DST: variants seen among roughly 807,000 people sequenced by gnomAD.
DST encodes the protein bullous pemphigoid antigen.
In DST, 253 loss-of-function variants were observed where a neutral mutation model predicts 875.2. The ratio of observed to expected loss-of-function variants is 0.29; its 90% CI spans 0.26 to 0.32. DST has a LOEUF of 0.32. DST is among the 10% of genes least tolerant of loss of function. The pLI is 1.00. For missense variants in DST, 8,287 were observed against 9,111.6 expected (o/e 0.91, Z 3.68); for synonymous variants, 3,124 against 3,197.1 (o/e 0.98, Z 0.77).
chr6:56,524,687 A>T (rs2096766268), intron 69 of DST, among the ~76,000 whole-genome samples: 1 of 152,138 alleles, frequency 6.6e-6, no homozygotes, highest in South Asian at 2.1e-4. Flanking sequence ...AAATACACAC[A>T]TGAACAACCA....
rs137977705 is a variant in DST at position 56,639,056 on chromosome 6, G to T, written c.2964+203C>A. The T allele has an allele frequency of 3.4e-3, 2,082 of 610,662 alleles. 5 individuals carry two copies. The highest frequency in any genetic ancestry group is 4.7e-3 in the Non-Finnish European group (1,636 of 344,830). The allele number at this position is 610,662 out of a possible 1,614,324, so 37.8% of individuals were successfully genotyped here. On this transcript the variant is annotated intron_variant, in intron 22 of 103. Coordinates refer to ENST00000680361, the MANE Select transcript of DST (RefSeq NM_001374736.1). The stretch of plus-strand genomic sequence containing the variant: ...CTTCTCAGCCACAGAGGCTGACAAG[G>T]GTACTTTTATTCTAAGTGATGGGTG...
At chr6:56,627,875 T>C in intron 33 of DST, 124 bp downstream of exon 33, 1 of 882,044 alleles carries the variant, frequency 1.1e-6, no homozygotes, top group Admixed American at 2.3e-5. Flanking sequence ...TAATATTTTT[T>C]ATATACTCTC....
At chr6:56,829,924 G>T (rs1163524790) in intron 4 of DST, among the ~76,000 whole-genome samples, 1 of 152,086 alleles carries the variant, frequency 6.6e-6, no homozygotes, top group African/African-American at 2.4e-5. Flanking sequence ...TGAAAATCAG[G>T]TCTCCTCAGT....
At chr6:56,774,272 A>C (rs1416523102) in intron 4 of DST, among the ~76,000 whole-genome samples, 1 of 152,154 alleles carries the variant, frequency 6.6e-6, no homozygotes, top group Non-Finnish European at 1.5e-5. Context: ...CCAGCCTTAT[A>C]GTCTCTATTG....
intron 49 of DST, among the ~76,000 whole-genome samples, chr6:56,589,927 A>C (rs1166639096): frequency 6.6e-6 from 1 of 152,244 alleles, no homozygotes; most frequent in Admixed American, 6.5e-5. Context: ...AGTATGCTAC[A>C]TGTAGAAAGA....
intron 2 of DST, among the ~76,000 whole-genome samples, chr6:56,946,793 G>T (rs550913427): frequency 6.6e-6 from 1 of 151,816 alleles, no homozygotes; most frequent in Non-Finnish European, 1.5e-5. Flanking sequence ...TTCATAGGAG[G>T]GTAAACATTT....
chr6:56,900,538 C>T lies in DST; in HGVS notation c.300G>A (p.Val100=). 7.3e-7 allele frequency: 1 copy of T among 1,367,670 alleles called. No homozygotes were observed. The highest frequency in any genetic ancestry group is 9.8e-7 in the Non-Finnish European group (1 of 1,021,870). The allele number at this position is 1,367,670 out of a possible 1,614,324, so 84.7% of individuals were successfully genotyped here. ...AARLEEVKPV[V]EVHHQSEQET... ...CTTGCTCACTCTGATGGTGAACTTC[C>T]ACCACGGGCTTCACTTCTTCCAGAC... The change falls in exon 3 of 104, where the codon GTG becomes GTA. Residue 100 remains valine, a synonymous_variant. Coordinates refer to ENST00000680361, the MANE Select transcript of DST (RefSeq NM_001374736.1).
At chr6:56,528,604 C>T (rs1437092929) in intron 67 of DST, among the ~76,000 whole-genome samples, 1 of 152,154 alleles carries the variant, frequency 6.6e-6, no homozygotes, top group East Asian at 1.9e-4. Flanking sequence ...TGCCAAAGTG[C>T]TTTATGTTAT....
At position 56,536,932 on chromosome 6, in the gene DST, C is replaced by A. The variant is rs1277540894; in HGVS notation, c.16617G>T (p.Gln5539His). 6.2e-6 allele frequency: 10 copies of A among 1,613,614 alleles called. No homozygotes were observed. Among genetic ancestry groups the A allele is most frequent in the Non-Finnish European group, 7.6e-6 (9 of 1,179,740 alleles). Residue 5539 changes from glutamine to histidine, a missense_variant, in exon 62 of 104, where the codon CAG becomes CAT. Physicochemically the swap from Gln to His is conservative, Grantham distance 24. Coordinates refer to ENST00000680361, the MANE Select transcript of DST (RefSeq NM_001374736.1). ...NQQLNMFKVF[Q>H]KEEIEPLQGK... ...CTTGCAAGGGTTCAATCTCTTCTTT[C>A]TGGAATACCTGCAGTTAAAAGAGTA...
chr6:56,640,218 C>A lies in DST; in HGVS notation c.2415G>T (p.Leu805=). The change falls in exon 18 of 104, where the codon CTG becomes CTT. Residue 805 remains leucine (L), a synonymous_variant. Transcript: ENST00000680361. Reference sequence around the variant, plus strand: ...TTTCTTCTTCTGTTAAATTTTGATCCAGCAAAGAAGACTTTAGAAGGGGTT... The same window carrying A: ...TTTCTTCTTCTGTTAAATTTTGATCAAGCAAAGAAGACTTTAGAAGGGGTT... ...IRKPLLKSSL[L]DQNLTEEEIN... The A allele has an allele frequency of 6.2e-7, 1 of 1,614,100 alleles. No homozygotes were observed.
chr6:56,799,867 A>AC (rs969064356), intron 4 of DST, among the ~76,000 whole-genome samples: 3 of 151,468 alleles, frequency 2.0e-5, no homozygotes, highest in African/African-American at 7.3e-5. Context: ...CAAGTGATCC[A>AC]CCCCACCTCG....
chr6:56,579,337 A>T (rs1271843060), intron 49 of DST, among the ~76,000 whole-genome samples: 1 of 152,212 alleles, frequency 6.6e-6, no homozygotes, highest in African/African-American at 2.4e-5. Context: ...GAGATAAATA[A>T]GCTCGCCCAA....
chr6:56,460,106 GA>G, intron 103 of DST, 24 bp downstream of exon 103: 2 of 1,580,386 alleles, frequency 1.3e-6, no homozygotes, highest in Non-Finnish European at 8.6e-7. Context: ...AAAAGCCATT[GA>G]AAAAAGAAAG....
At chr6:56,642,977 A>G in intron 15 of DST, 1 of 1,365,022 alleles carries the variant, frequency 7.3e-7, no homozygotes, top group East Asian at 2.6e-5. Flanking sequence ...ACTATTCAAA[A>G]GAATCTAGCC....
intron 61 of DST, chr6:56,542,936 T>C (rs1277809230): frequency 6.6e-6 from 1 of 152,286 alleles, no homozygotes; most frequent in Non-Finnish European, 1.5e-5. Context: ...GCGGTTTCAG[T>C]GGGAGGTACC....
chr6:56,698,294 C>T (rs182729030), intron 9 of DST, among the ~76,000 whole-genome samples: 2 of 151,714 alleles, frequency 1.3e-5, no homozygotes, highest in Non-Finnish European at 2.9e-5. Context: ...CATTTGTCTA[C>T]GTAACCTGTA....
intron 39 of DST, among the ~76,000 whole-genome samples, chr6:56,609,909 G>A (rs971397767): frequency 6.6e-6 from 1 of 152,050 alleles, no homozygotes; most frequent in African/African-American, 2.4e-5. Flanking sequence ...TATTATGTTA[G>A]GCCTGTTGAT....
chr6:56,937,694 T>G (rs563423993), intron 2 of DST, among the ~76,000 whole-genome samples: 2 of 152,350 alleles, frequency 1.3e-5, no homozygotes, highest in East Asian at 3.9e-4. Flanking sequence ...CACAATGGTT[T>G]TAAGCACATA....
chr6:56,687,421 C>A (rs1381852670), intron 9 of DST, among the ~76,000 whole-genome samples: 1 of 152,086 alleles, frequency 6.6e-6, no homozygotes, highest in African/African-American at 2.4e-5. Flanking sequence ...GAATTCAGTT[C>A]CTGTTCCCAC....
Sources: gnomAD v4.1 joint callset for allele counts (sites outside exome capture counted in the v4.1 genomes callset) on GRCh38, gnomAD v4.1.1 for gene constraint, MANE v1.5 for transcripts, NCBI Gene and HGNC (gene_info 2026-07-23, HGNC 2026-07-21) for gene names.